Variants in SLC9A9 observed in about 807,000 individuals in gnomAD.
SLC9A9 encodes sodium/hydrogen exchanger 9.
A neutral mutation model predicts 77.8 loss-of-function variants in SLC9A9; 62 were observed. The ratio of observed to expected loss-of-function variants is 0.80; its 90% CI spans 0.65 to 0.98. The LOEUF (loss-of-function observed/expected upper bound fraction) is 0.98. Among genes scored for constraint, SLC9A9 ranks in the 50% least tolerant of loss-of-function variants. SLC9A9 has a pLI of 0.00. For missense variants in SLC9A9, 775 were observed against 774.9 expected (o/e 1.00, Z 0.00); for synonymous variants, 320 against 283.5 (o/e 1.13, Z -1.29).
At chr3:143,550,232 TG>T (rs2036856527) in intron 9 of SLC9A9, among the ~76,000 whole-genome samples, 1 of 152,194 alleles carries the variant, frequency 6.6e-6, no homozygotes, top group African/African-American at 2.4e-5. Context: ...GGTTTTGCTT[TG>T]GTTGCTTTTG....
intron 4 of SLC9A9, among the ~76,000 whole-genome samples, chr3:143,791,930 T>C (rs1249812457): frequency 6.6e-6 from 1 of 152,228 alleles, no homozygotes; most frequent in African/African-American, 2.4e-5. Context: ...GATTGATTTA[T>C]ACAATTTCAT....
chr3:143,266,995 A>ATTTTC, intron 15 of SLC9A9, 66 bp from the exon 16 acceptor site: 1 of 1,233,652 alleles, frequency 8.1e-7, no homozygotes, highest in African/African-American at 1.6e-5. Context: ...CAGTCCTACA[A>ATTTTC]TTTTTTTTTT....
At chr3:143,355,956 G>A (rs2032573976) in intron 14 of SLC9A9, among the ~76,000 whole-genome samples, 1 of 152,124 alleles carries the variant, frequency 6.6e-6, no homozygotes, top group Non-Finnish European at 1.5e-5. Flanking sequence ...GTTGAAATAT[G>A]AAAGCATTTT....
intron 4 of SLC9A9, among the ~76,000 whole-genome samples, chr3:143,789,758 C>G (rs2008163265): frequency 6.6e-6 from 1 of 152,144 alleles, no homozygotes; most frequent in Non-Finnish European, 1.5e-5. Flanking sequence ...AGTGTCCACA[C>G]AGCCCCCTCA....
intron 13 of SLC9A9, among the ~76,000 whole-genome samples, chr3:143,366,330 T>C (rs893750807): frequency 6.6e-6 from 1 of 152,352 alleles, no homozygotes; most frequent in East Asian, 1.9e-4. Context: ...ATTTTGCACA[T>C]AGGGATTTTA....
chr3:143,417,647 A>T (rs1274771614), intron 12 of SLC9A9, among the ~76,000 whole-genome samples: 1 of 151,990 alleles, frequency 6.6e-6, no homozygotes, highest in African/African-American at 2.4e-5. Flanking sequence ...GGACAGTGAG[A>T]AGGTGGCTGT....
chr3:143,479,758 A>G (rs2035542994), intron 11 of SLC9A9, among the ~76,000 whole-genome samples: 1 of 152,192 alleles, frequency 6.6e-6, no homozygotes, highest in Non-Finnish European at 1.5e-5. Flanking sequence ...CAGGGATGTC[A>G]CTAGCCCTTA....
chr3:143,472,995 A>G (rs1230620281), intron 11 of SLC9A9, among the ~76,000 whole-genome samples: 2 of 138,734 alleles, frequency 1.4e-5, no homozygotes, highest in Non-Finnish European at 3.2e-5. Flanking sequence ...GAGGTTTACA[A>G]CTAGACTTGT....
chr3:143,373,491 T>C (rs1324912925), intron 13 of SLC9A9, among the ~76,000 whole-genome samples: 3 of 151,522 alleles, frequency 2.0e-5, no homozygotes, highest in African/African-American at 4.9e-5. Context: ...AAATTACACA[T>C]TGGGTACCAT....
intron 4 of SLC9A9, among the ~76,000 whole-genome samples, chr3:143,701,286 A>G (rs1933794103): frequency 1.3e-5 from 2 of 152,196 alleles, no homozygotes; most frequent in Non-Finnish European, 2.9e-5. Context: ...CGTGGAAAAC[A>G]TAACCTCACC....
intron 12 of SLC9A9, among the ~76,000 whole-genome samples, chr3:143,409,744 T>C (rs10513199): frequency 0.027 from 4,164 of 152,262 alleles, 204 homozygotes; most frequent in African/African-American, 0.094. Context: ...AAGATTAACT[T>C]GGATAGAAGC....
chr3:143,658,497 A>G (rs557152621), intron 5 of SLC9A9, among the ~76,000 whole-genome samples: 1 of 152,332 alleles, frequency 6.6e-6, no homozygotes, highest in South Asian at 2.1e-4. Flanking sequence ...TAACTTTTAA[A>G]TGAGGAAAAT....
chr3:143,575,300 G>A lies in SLC9A9; in HGVS notation c.895-1107C>T, dbSNP rs549832001. On this transcript the variant is annotated intron_variant, in intron 7 of 15. Coordinates refer to ENST00000316549, the MANE Select transcript of SLC9A9 (RefSeq NM_173653.4). ...ATGGTGGGGAGTGTAGCATTTGGAA[G>A]CCAATTCTACCTGGATTAAAATTCA... is the stretch of plus-strand genomic sequence containing the variant. Among the ~76,000 whole-genome samples the A allele has an allele frequency of 9.8e-4, 149 of 152,288 alleles. 3 individuals carry two copies. The South Asian group carries it at 0.03, about 30-fold the overall frequency.
intron 14 of SLC9A9, among the ~76,000 whole-genome samples, chr3:143,290,512 C>T (rs1266173931): frequency 6.6e-6 from 1 of 152,168 alleles, no homozygotes; most frequent in Non-Finnish European, 1.5e-5. Context: ...GCCTGCAGGC[C>T]TCCATATCTC....
chr3:143,605,722 T>C (rs541443574), intron 6 of SLC9A9, among the ~76,000 whole-genome samples: 1 of 152,204 alleles, frequency 6.6e-6, no homozygotes, highest in Non-Finnish European at 1.5e-5. Context: ...AAACCACTTT[T>C]AAGGCCTCAA....
intron 12 of SLC9A9, among the ~76,000 whole-genome samples, chr3:143,438,661 A>G (rs2034669631): frequency 6.6e-6 from 1 of 152,206 alleles, no homozygotes; most frequent in South Asian, 2.1e-4. Context: ...CTAAGCTCTC[A>G]GTCTGGAAAG....
chr3:143,704,898 A>G (rs1207239315), intron 4 of SLC9A9, among the ~76,000 whole-genome samples: 1 of 151,994 alleles, frequency 6.6e-6, no homozygotes, highest in Non-Finnish European at 1.5e-5. Flanking sequence ...AAGCTGAGGG[A>G]GGAGAATTGC....
At chr3:143,698,951 A>T (rs1036057757) in intron 4 of SLC9A9, among the ~76,000 whole-genome samples, 1 of 152,230 alleles carries the variant, frequency 6.6e-6, no homozygotes, top group African/African-American at 2.4e-5. Flanking sequence ...GAAAGTTATG[A>T]TCTACATCTA....
intron 9 of SLC9A9, among the ~76,000 whole-genome samples, chr3:143,543,300 G>T (rs530930813): frequency 6.6e-6 from 1 of 151,670 alleles, no homozygotes; most frequent in African/African-American, 2.4e-5. Flanking sequence ...CTATACCAGC[G>T]GCCCACCCCT....
Sources: allele counts gnomAD v4.1 joint callset (sites outside exome capture counted in the v4.1 genomes callset), GRCh38; gene constraint gnomAD v4.1.1; transcripts MANE v1.5; gene names NCBI Gene and HGNC (gene_info 2026-07-23, HGNC 2026-07-21).